The following CDH13 variants were observed in gnomAD, a reference collection of about 807,000 sequenced individuals.
The protein encoded by CDH13 is cadherin-13.
In CDH13, 24 loss-of-function variants were observed where a neutral mutation model predicts 63.8. The ratio of observed to expected loss-of-function variants is 0.38; its 90% CI spans 0.27 to 0.53. The LOEUF (loss-of-function observed/expected upper bound fraction) is 0.53. Ranked by LOEUF, CDH13 falls within the 20% of genes least tolerant of loss-of-function variation. The pLI, the probability that CDH13 is intolerant of heterozygous loss-of-function variation, is 0.85. For synonymous variants in CDH13, 503 were observed against 355.3 expected (o/e 1.42, Z -4.67); for missense variants, 1,049 against 903.1 (o/e 1.16, Z -2.07).
Position 83,545,109 on chromosome 16 carries a change from C to CT in CDH13, c.961-57345_961-57344insT, listed in dbSNP as rs2075362483. Reference sequence around the variant, plus strand: ...AACTCACAAGCCCATTGTTAGAGCTCATGTTCTTTACCCAACCAGGATTTA... The same window carrying CT: ...AACTCACAAGCCCATTGTTAGAGCTCTATGTTCTTTACCCAACCAGGATTTA... On this transcript the variant is annotated intron_variant, in intron 7 of 13. Transcript: ENST00000567109. 2.6e-5 allele frequency among the ~76,000 whole-genome samples: 4 copies of CT among 152,204 alleles called. No homozygotes were observed. The South Asian group carries it at 8.3e-4, about 32-fold the overall frequency.
intron 1 of CDH13, among the ~76,000 whole-genome samples, chr16:82,742,817 G>A (rs2033993030): frequency 6.6e-6 from 1 of 152,156 alleles, no homozygotes; most frequent in South Asian, 2.1e-4. Flanking sequence ...CATGTACTGA[G>A]TAAAGCTGGT....
intron 1 of CDH13, among the ~76,000 whole-genome samples, chr16:82,834,611 A>G (rs1597743009): frequency 2.0e-5 from 3 of 152,326 alleles, no homozygotes; most frequent in African/African-American, 7.2e-5. Context: ...GCCTCTTAGC[A>G]GCTGACCAGC....
At chr16:83,080,097 G>T (rs576603719) in intron 3 of CDH13, among the ~76,000 whole-genome samples, 1 of 152,290 alleles carries the variant, frequency 6.6e-6, no homozygotes, top group South Asian at 2.1e-4. Context: ...CTTGTGGCCT[G>T]GGTGAAGGTC....
chr16:83,733,906 G>C (rs947439912), intron 10 of CDH13, among the ~76,000 whole-genome samples: 6 of 152,192 alleles, frequency 3.9e-5, no homozygotes, highest in African/African-American at 1.4e-4. Context: ...CTGAGACTTA[G>C]GCAGAGAGCC....
At chr16:83,246,046 A>G (rs1012560978) in intron 5 of CDH13, among the ~76,000 whole-genome samples, 5 of 152,214 alleles carry the variant, frequency 3.3e-5, no homozygotes, top group East Asian at 1.9e-4. Flanking sequence ...CCAAATTCCT[A>G]TTTCTTGTTT....
intron 8 of CDH13, among the ~76,000 whole-genome samples, chr16:83,614,680 G>A (rs746494145): frequency 1.3e-5 from 2 of 152,146 alleles, no homozygotes; most frequent in African/African-American, 2.4e-5. Flanking sequence ...GGTTGGTCAG[G>A]AAGAAGCTTT....
At chr16:83,485,033 C>T (rs1364230313) in intron 6 of CDH13, among the ~76,000 whole-genome samples, 2 of 152,162 alleles carry the variant, frequency 1.3e-5, no homozygotes, top group East Asian at 3.9e-4. Context: ...CTCAACCTAA[C>T]ATTTTTACTA....
chr16:83,084,873 C>T (rs1276986152), intron 3 of CDH13, among the ~76,000 whole-genome samples: 1 of 152,126 alleles, frequency 6.6e-6, no homozygotes, highest in Non-Finnish European at 1.5e-5. Context: ...GGGCAATAAG[C>T]ACAAAACTTC....
chr16:83,649,905 G>C (rs1381580146), intron 8 of CDH13, among the ~76,000 whole-genome samples: 1 of 152,182 alleles, frequency 6.6e-6, no homozygotes, highest in Non-Finnish European at 1.5e-5. Flanking sequence ...AGCTAAGCTG[G>C]TCCAAAGCCC....
chr16:83,334,465 G>C (rs946173839), intron 5 of CDH13, among the ~76,000 whole-genome samples: 1 of 151,170 alleles, frequency 6.6e-6, no homozygotes, highest in Non-Finnish European at 1.5e-5. Context: ...TCAACCTTCC[G>C]GGCTCAAGTG....
At chr16:83,289,966 T>C (rs982620691) in intron 5 of CDH13, among the ~76,000 whole-genome samples, 6 of 152,194 alleles carry the variant, frequency 3.9e-5, no homozygotes, top group Non-Finnish European at 7.3e-5. Flanking sequence ...CTTCCTCTTA[T>C]AGCCCCTTCT....
chr16:83,023,561 A>G (rs1597160081), intron 2 of CDH13, among the ~76,000 whole-genome samples: 1 of 152,330 alleles, frequency 6.6e-6, no homozygotes, highest in East Asian at 1.9e-4. Context: ...CACATCTTTC[A>G]GTTATCCACA....
chr16:83,178,394 G>T lies in CDH13; in HGVS notation c.484-38951G>T, dbSNP rs556320531. ...ACCACTGATTTAGATCCTGTCTGAA[G>T]TCCCCTCTGGCACTGATAGTCTAAG... On this transcript the variant is annotated intron_variant, in intron 4 of 13. Coordinates refer to ENST00000567109, the MANE Select transcript of CDH13 (RefSeq NM_001257.5). Among the ~76,000 whole-genome samples the T allele has an allele frequency of 7.2e-5, 11 of 152,274 alleles. No homozygotes were observed. The South Asian group carries it at 2.1e-3, about 29-fold the overall frequency.
chr16:83,399,698 G>A lies in CDH13; in HGVS notation c.781+54692G>A, dbSNP rs552956387. Among the ~76,000 whole-genome samples the A allele has an allele frequency of 1.8e-3, 280 of 152,202 alleles. 1 individual carries two copies. The highest frequency in any genetic ancestry group is 6.5e-3 in the African/African-American group (270 of 41,532). ...GCTGGGAATCTTGCTTTTGGAGTCCGTCTGCTTGAAAGCCACCATGTTGTG... is the reference window on the plus strand; with the variant it reads ...GCTGGGAATCTTGCTTTTGGAGTCCATCTGCTTGAAAGCCACCATGTTGTG... On this transcript the variant is annotated intron_variant, in intron 6 of 13. Coordinates refer to ENST00000567109, the MANE Select transcript of CDH13 (RefSeq NM_001257.5).
rs533577282 is a variant in CDH13 at position 83,479,718 on chromosome 16, T to C, written c.782-6759T>C. The stretch of plus-strand genomic sequence containing the variant: ...ATCCTGGCATTGGACTTTATATAGA[T>C]TAATTTGTGCATTCTCAAAGGGGGT... On this transcript the variant is annotated intron_variant, in intron 6 of 13. Coordinates refer to ENST00000567109, the MANE Select transcript of CDH13 (RefSeq NM_001257.5). Among the ~76,000 whole-genome samples, 17 of 152,282 alleles carry C rather than the reference T, an allele frequency of 1.1e-4. No homozygotes were observed. The South Asian group carries it at 3.5e-3, about 32-fold the overall frequency.
intron 1 of CDH13, among the ~76,000 whole-genome samples, chr16:82,821,671 AAAG>A (rs1417372004): frequency 6.6e-6 from 1 of 152,242 alleles, no homozygotes; most frequent in Admixed American, 6.5e-5. Flanking sequence ...CAATGACTTG[AAAG>A]AAGGAGAGTA....
At chr16:82,740,164 T>C (rs1475644983) in intron 1 of CDH13, among the ~76,000 whole-genome samples, 7 of 152,338 alleles carry the variant, frequency 4.6e-5, no homozygotes, top group East Asian at 3.9e-4. Context: ...ATTTACAATA[T>C]GGACTGAGCT....
chr16:83,227,300 G>A (rs527528920), intron 5 of CDH13, among the ~76,000 whole-genome samples: 5 of 152,204 alleles, frequency 3.3e-5, no homozygotes, highest in Admixed American at 2.0e-4. Context: ...GGTCACCGTG[G>A]TGACATCTCC....
At chr16:83,736,252 T>G (rs1172246755) in intron 10 of CDH13, among the ~76,000 whole-genome samples, 1 of 152,188 alleles carries the variant, frequency 6.6e-6, no homozygotes, top group African/African-American at 2.4e-5. Flanking sequence ...CTAAGAGTGT[T>G]CAATCCCTGT....
Sources: gnomAD v4.1 joint callset for allele counts (sites outside exome capture counted in the v4.1 genomes callset) on GRCh38, gnomAD v4.1.1 for gene constraint, MANE v1.5 for transcripts, NCBI Gene and HGNC (gene_info 2026-07-23, HGNC 2026-07-21) for gene names.